The following SLITRK5 variants were observed in gnomAD, a reference collection of about 807,000 sequenced individuals.
The protein encoded by SLITRK5 is SLIT and NTRK like family member 5, also known as SLIT and NTRK-like protein 5.
Under a neutral mutation model 56.2 loss-of-function variants are expected in SLITRK5, and 23 were observed. The ratio of observed to expected loss-of-function variants is 0.41; its 90% CI spans 0.29 to 0.58. SLITRK5 has a LOEUF of 0.58. Among genes scored for constraint, SLITRK5 ranks in the 20% least tolerant of loss-of-function variants. The pLI is 0.30. For synonymous variants in SLITRK5, 637 were observed against 531.8 expected (o/e 1.20, Z -2.72); for missense variants, 1,289 against 1,226.6 (o/e 1.05, Z -0.76).
At position 87,679,378 on chromosome 13, in the gene SLITRK5, G is replaced by A. The variant is rs928405469; in HGVS notation, c.*1113G>A. 6.0e-6 allele frequency: 1 copy of A among 166,950 alleles called. No homozygotes were observed. The highest frequency in any genetic ancestry group is 1.5e-5 in the Non-Finnish European group (1 of 68,084). The allele number at this position is 166,950 out of a possible 1,614,324, so 10.3% of individuals were successfully genotyped here. ...CTACTATTGTAGCCGATTTTCGATTGTTTAACCAAACCCAGTTGCATTTGT... is the reference window on the plus strand; with the variant it reads ...CTACTATTGTAGCCGATTTTCGATTATTTAACCAAACCCAGTTGCATTTGT... On this transcript the variant is annotated 3_prime_UTR_variant, in exon 2 of 2. Coordinates refer to ENST00000683689, the MANE Select transcript of SLITRK5 (RefSeq NM_001384609.1).
chr13:87,678,729 C>G lies in SLITRK5; in HGVS notation c.*464C>G, dbSNP rs1877408385. 6.1e-6 allele frequency: 1 copy of G among 164,558 alleles called. No homozygotes were observed. The highest frequency in any genetic ancestry group is 1.4e-5 in the Non-Finnish European group (1 of 69,792). The allele number at this position is 164,558 out of a possible 1,614,324, so 10.2% of individuals were successfully genotyped here. A position where few individuals can be genotyped will look rare whatever the true frequency, so the allele number is the denominator to read the frequency against. ...ACTGGCTTTTGTGGAGAAATTAGCA[C>G]ACCCCAACTTTAATAGGAAATTTGT... is the stretch of plus-strand genomic sequence containing the variant. On this transcript the variant is annotated 3_prime_UTR_variant, in exon 2 of 2. Transcript: ENST00000683689.
intron 1 of SLITRK5, among the ~76,000 whole-genome samples, chr13:87,673,323 T>C (rs560287154): frequency 1.1e-4 from 17 of 152,116 alleles, no homozygotes; most frequent in African/African-American, 3.9e-4. Context: ...CTCAAATTTT[T>C]GGTCTCCTTT....
rs1425545084 is a variant in SLITRK5, at chr13:87,676,061, G to A, written c.673G>A (p.Asp225Asn). 9 of 1,614,012 alleles carry A rather than the reference G, an allele frequency of 5.6e-6. No homozygotes were observed. The highest frequency in any genetic ancestry group is 1.7e-5 in the Admixed American group (1 of 60,006). ...CTACGTGGGGCTCTTGCAGCACATG[G>A]ATAAAGTTGTGGAGCTACAGCTGGA... is the stretch of plus-strand genomic sequence containing the variant. Reference protein sequence around the residue: ...LPYVGLLQHMDKVVELQLEEN... With the variant: ...LPYVGLLQHMNKVVELQLEEN... The change falls in exon 2 of 2, where the codon GAT becomes AAT. Residue 225 changes from aspartate to asparagine, a missense_variant. Coordinates refer to ENST00000683689, the MANE Select transcript of SLITRK5 (RefSeq NM_001384609.1).
Position 87,677,994 on chromosome 13 carries a change from C to A in SLITRK5, c.2606C>A (p.Pro869His), listed in dbSNP as rs755385290. 3.1e-6 allele frequency: 5 copies of A among 1,614,036 alleles called. No individual in the cohort carries two copies. The highest frequency in any genetic ancestry group is 1.1e-5 in the South Asian group (1 of 91,090). The change falls in exon 2 of 2, where the codon CCC becomes CAC. Residue 869 changes from proline (P) to histidine (H), a missense_variant. Pro to His is a moderately conservative substitution (Grantham distance 77, BLOSUM62 -2). Transcript: ENST00000683689. The surrounding 1 kb of genome is among the most constrained non-coding windows in gnomAD (Gnocchi z 4.7). ...CCAGACAAACACTGCTCCACCACCC[C>A]CGCCGGCAATAGCCTCCCGGAATAT... Reference protein sequence around the residue: ...LEPDKHCSTTPAGNSLPEYPK... With the variant: ...LEPDKHCSTTHAGNSLPEYPK...
rs1329571139 is a variant in SLITRK5, at chr13:87,677,262, C to T, written c.1874C>T (p.Pro625Leu). Residue 625 changes from proline (P) to leucine (L), a missense_variant, in exon 2 of 2, where the codon CCC (proline) becomes CTC (leucine). Transcript: ENST00000683689. This position sits in a 1 kb window ranked among gnomAD's most constrained non-coding sequence, Gnocchi z 4.7. ...YSDVVVSTPT[P>L]SSIQVPARTS... The stretch of plus-strand genomic sequence containing the variant: ...GATGTAGTAGTTTCCACGCCCACAC[C>T]CTCCTCTATCCAGGTCCCTGCGAGG... The T allele has an allele frequency of 6.2e-7, 1 of 1,614,186 alleles. No individual in the cohort carries two copies. The highest frequency in any genetic ancestry group is 1.1e-5 in the South Asian group (1 of 91,084).
At chr13:87,672,445 G>A (rs1216580574) in intron 1 of SLITRK5, among the ~76,000 whole-genome samples, 4 of 100,830 alleles carry the variant, frequency 4.0e-5, no homozygotes, top group African/African-American at 1.6e-4. Flanking sequence ...GCCCCGCCCG[G>A]CTCCGGCTCC....
Position 87,677,894 on chromosome 13 carries a change from A to G in SLITRK5, c.2506A>G (p.Ser836Gly), listed in dbSNP as rs752255694. The G allele has an allele frequency of 6.2e-7, 1 of 1,613,066 alleles. No homozygotes were observed. Among genetic ancestry groups the G allele is most frequent in the African/African-American group, 1.3e-5 (1 of 75,054 alleles). The change falls in exon 2 of 2, where the codon AGC becomes GGC. Residue 836 changes from serine (S) to glycine (G), a missense_variant. Ser to Gly is a moderately conservative substitution (Grantham distance 56). Coordinates refer to ENST00000683689, the MANE Select transcript of SLITRK5 (RefSeq NM_001384609.1). The surrounding 1 kb of genome is among the most constrained non-coding windows in gnomAD (Gnocchi z 4.7). ...HHLRSPAYSV[S>G]TIEPREDLLS... ...CTTGCGGAGCCCCGCCTACAGCGTC[A>G]GCACCATCGAGCCCCGGGAGGACCT...
Position 87,676,934 on chromosome 13 carries a change from C to T in SLITRK5, c.1546C>T (p.Leu516Phe), listed in dbSNP as rs754405811. The T allele has an allele frequency of 2.5e-6, 4 of 1,614,178 alleles. No individual in the cohort carries two copies. The East Asian group carries it at 6.7e-5, about 27-fold the overall frequency. Residue 516 changes from leucine (L) to phenylalanine (F), a missense_variant, in exon 2 of 2, where the codon CTC becomes TTC. Around this residue, in one of 3 missense-constraint regions of SLITRK5, gnomAD observed 985 missense variants for 906.0 expected, o/e 1.09. Coordinates refer to ENST00000683689, the MANE Select transcript of SLITRK5 (RefSeq NM_001384609.1). ...NLQLLFLNNN[L>F]LQAMPSGVFS... The stretch of plus-strand genomic sequence containing the variant: ...CCAGCTGCTATTCTTGAATAACAAC[C>T]TCCTGCAGGCCATGCCCTCAGGCGT...
chr13:87,675,249 G>C (rs1216505341), intron 1 of SLITRK5, 132 bp from the exon 2 acceptor site: 1 of 621,962 alleles, frequency 1.6e-6, no homozygotes, highest in Non-Finnish European at 2.9e-6. Context: ...TTTCACTTGG[G>C]GAGGTGTGTC....
chr13:87,672,123 C>T lies in SLITRK5; in HGVS notation c.-95C>T, dbSNP rs201798421. ...AGGGCCGGCCGGCGCGAACCCAGGC[C>T]GGAGGGTGCGAGGAGCCAGAGGAGG... On this transcript the variant is annotated 5_prime_UTR_variant, in exon 1 of 2. Transcript: ENST00000683689. Among the ~76,000 whole-genome samples the T allele has an allele frequency of 3.6e-4, 55 of 152,090 alleles. No individual in the cohort carries two copies. The East Asian group carries it at 0.01, about 28-fold the overall frequency.
At position 87,678,342 on chromosome 13, in the gene SLITRK5, T is replaced by G. The variant is rs2137948799; in HGVS notation, c.*77T>G. On this transcript the variant is annotated 3_prime_UTR_variant, in exon 2 of 2. Coordinates refer to ENST00000683689, the MANE Select transcript of SLITRK5 (RefSeq NM_001384609.1). ...GACACACACAGTGAACACATTTGAT[T>G]AATTGTGTTGTTTCAACGTTTAGGG... 1 of 1,339,622 alleles carries G rather than the reference T, an allele frequency of 7.5e-7. No homozygotes were observed. The highest frequency in any genetic ancestry group is 1.4e-5 in the South Asian group (1 of 71,260). 83.0% of individuals were successfully genotyped at this position (1,339,622 alleles called of 1,614,324 possible).
rs143021000 is a variant in SLITRK5, at chr13:87,677,728, C to G, written c.2340C>G (p.His780Gln). ...GNSVEDYKDL[H>Q]ELKVTYSSNH... Reference sequence around the variant, plus strand: ...CCGTAGAGGATTACAAAGACCTGCACGAGCTCAAGGTCACCTACAGCAGCA... The same window carrying G: ...CCGTAGAGGATTACAAAGACCTGCAGGAGCTCAAGGTCACCTACAGCAGCA... The change falls in exon 2 of 2, where the codon CAC becomes CAG. Residue 780 changes from histidine to glutamine, a missense_variant. This residue lies in a region of SLITRK5 where 985 missense variants were observed against 906.0 expected (regional missense o/e 1.09). Coordinates refer to ENST00000683689, the MANE Select transcript of SLITRK5 (RefSeq NM_001384609.1). This position sits in a 1 kb window ranked among gnomAD's most constrained non-coding sequence, Gnocchi z 4.7. 5.3e-5 allele frequency: 86 copies of G among 1,612,544 alleles called. 2 individuals carry two copies. Among genetic ancestry groups the G allele is most frequent in the Non-Finnish European group, 5.9e-5 (70 of 1,179,214 alleles).
In SLITRK5 at chr13:87,674,651, A is replaced by G. The variant is rs148330591; in HGVS notation, c.-8-730A>G. On this transcript the variant is annotated intron_variant, in intron 1 of 1. Coordinates refer to ENST00000683689, the MANE Select transcript of SLITRK5 (RefSeq NM_001384609.1). ...GAAGCGCTGCTAAGTGGTACCGTGC[A>G]TGCAATTAGGACGCTGATGTGCTTT... 5.9e-5 allele frequency among the ~76,000 whole-genome samples: 9 copies of G among 152,308 alleles called. No individual in the cohort carries two copies. In the East Asian group the frequency reaches 1.7e-3, roughly 29 times the overall value.
At position 87,671,762 on chromosome 13, in the gene SLITRK5, T is replaced by C. The variant is rs1200988034; in HGVS notation, c.-456T>C. 2.0e-5 allele frequency among the ~76,000 whole-genome samples: 3 copies of C among 152,006 alleles called. No individual in the cohort carries two copies. The highest frequency in any genetic ancestry group is 4.8e-5 in the African/African-American group (2 of 41,398). On this transcript the variant is annotated 5_prime_UTR_variant, in exon 1 of 2. The change abolishes an upstream ATG in the 5' untranslated region. Coordinates refer to ENST00000683689, the MANE Select transcript of SLITRK5 (RefSeq NM_001384609.1). ...CGTGAGGATGAAACTGCCAAAGGGA[T>C]GCAAGAGCCTCTCAAATACTAATTA...
rs576485689 is a variant in SLITRK5 at position 87,677,644 on chromosome 13, C to T, written c.2256C>T (p.Ile752=). The T allele has an allele frequency of 1.2e-6, 2 of 1,608,134 alleles. No individual in the cohort carries two copies. Among genetic ancestry groups the T allele is most frequent in the African/African-American group, 1.3e-5 (1 of 74,768 alleles). The change falls in exon 2 of 2, where the codon ATC becomes ATT. Residue 752 remains isoleucine, a synonymous_variant. Transcript: ENST00000683689. This position sits in a 1 kb window ranked among gnomAD's most constrained non-coding sequence, Gnocchi z 4.7. The part of the protein sequence containing the change: ...KTPAGHVYEY[I]PHPLGHMCKN... ...CCGCGGGCCACGTGTATGAATACAT[C>T]CCCCACCCACTGGGCCACATGTGCA...
In SLITRK5 at chr13:87,676,537, G is replaced by A; in HGVS notation, c.1149G>A (p.Gln383=). 1 of 1,614,164 alleles carries A rather than the reference G, an allele frequency of 6.2e-7. No homozygotes were observed. The highest frequency in any genetic ancestry group is 1.1e-5 in the South Asian group (1 of 91,082). Residue 383 remains glutamine, a synonymous_variant, in exon 2 of 2, where the codon CAG becomes CAA. Coordinates refer to ENST00000683689, the MANE Select transcript of SLITRK5 (RefSeq NM_001384609.1). ...ECPTACSCNL[Q]ISDLGLNVNC... ...CCACCGCGTGCTCTTGCAACCTGCA[G>A]ATCTCTGATCTGGGCCTCAACGTAA...
Sources: allele counts gnomAD v4.1 joint callset (sites outside exome capture counted in the v4.1 genomes callset), GRCh38; gene constraint gnomAD v4.1.1; regional missense constraint gnomAD v4.1.1; non-coding constraint Gnocchi (gnomAD v3.1); transcripts MANE v1.5; gene names NCBI Gene and HGNC (gene_info 2026-07-23, HGNC 2026-07-21).